MGAT5B: variants seen among roughly 807,000 people sequenced by gnomAD.
MGAT5B encodes the protein alpha-1,6-mannosylglycoprotein 6-beta-N-acetylglucosaminyltransferase B.
MGAT5B carries 54 observed loss-of-function variants against 95.1 expected under a neutral mutation model. That is an observed-to-expected ratio of 0.57 (90% CI 0.46 to 0.71). The LOEUF (loss-of-function observed/expected upper bound fraction) is 0.71, where lower values mean the gene tolerates loss of function less well. MGAT5B is among the 30% of genes least tolerant of loss of function. MGAT5B has a pLI of 0.00. For synonymous variants in MGAT5B, 464 were observed against 451.0 expected, an observed-to-expected ratio of 1.03 and a Z score of -0.36; for missense variants, 935 against 1,088.6, an observed-to-expected ratio of 0.86 and a Z score of 1.99.
At chr17:76,943,570 A>G (rs943070797) in intron 15 of MGAT5B, among the ~76,000 whole-genome samples, 2 of 133,826 alleles carry the variant, frequency 1.5e-5, no homozygotes, top group African/African-American at 5.7e-5. Flanking sequence ...TTCCCATTTT[A>G]TTATTTTTTT....
chr17:76,872,465 T>A (rs879906943), intron 1 of MGAT5B, among the ~76,000 whole-genome samples: 2 of 152,308 alleles, frequency 1.3e-5, no homozygotes, highest in Admixed American at 6.5e-5. Flanking sequence ...ATTCAGTAAT[T>A]TGGGGTCTGG....
At position 76,904,343 on chromosome 17, in the gene MGAT5B, T is replaced by C; in HGVS notation, c.611T>C (p.Val204Ala). ...TCCTTCCTCATCTACCTCAGTGAGGTCGAGTGGTTCTGCCCCCCGCTGCCC... is the reference window on the plus strand; with the variant it reads ...TCCTTCCTCATCTACCTCAGTGAGGCCGAGTGGTTCTGCCCCCCGCTGCCC... ...ECSFLIYLSE[V>A]EWFCPPLPWR... The change falls in exon 6 of 18, where the codon GTC becomes GCC. Residue 204 changes from valine (V) to alanine (A), a missense_variant. By Grantham distance (64) the Val-to-Ala change is moderately conservative. This residue lies in a region of MGAT5B where 243 missense variants were observed against 305.5 expected (regional missense o/e 0.80). Coordinates refer to ENST00000569840, the MANE Select transcript of MGAT5B (RefSeq NM_001199172.2). The C allele has an allele frequency of 6.3e-7, 1 of 1,599,948 alleles. No homozygotes were observed. Among genetic ancestry groups the C allele is most frequent in the African/African-American group, 1.3e-5 (1 of 74,852 alleles).
chr17:76,933,865 T>C (rs577210368), intron 12 of MGAT5B, among the ~76,000 whole-genome samples: 2 of 152,108 alleles, frequency 1.3e-5, no homozygotes, highest in South Asian at 4.1e-4. Flanking sequence ...ACCCATCGTG[T>C]TTAGTTTCCA....
At chr17:76,946,104 T>A in intron 15 of MGAT5B, 4 of 363,326 alleles carry the variant, frequency 1.1e-5, no homozygotes, top group Non-Finnish European at 1.9e-5. Flanking sequence ...TTATCCTCAT[T>A]GCAGTTGGGA....
Position 76,930,563 on chromosome 17 carries a change from C to T in MGAT5B, c.1292-2082C>T, listed in dbSNP as rs1969447301. 6.6e-6 allele frequency among the ~76,000 whole-genome samples: 1 copy of T among 152,152 alleles called. No homozygotes were observed. Among genetic ancestry groups the T allele is most frequent in the Non-Finnish European group, 1.5e-5 (1 of 68,026 alleles). The stretch of plus-strand genomic sequence containing the variant: ...ATTCGGGATCCCAGTGCGCAGAAGG[C>T]AGGGCTCGTGTGCCTGCAGATTCGT... On this transcript the variant is annotated intron_variant, in intron 10 of 17. Transcript: ENST00000569840. The surrounding 1 kb of genome is among the most constrained non-coding windows in gnomAD (Gnocchi z 4.1).
chr17:76,913,279 A>T (rs1968808899), intron 8 of MGAT5B, among the ~76,000 whole-genome samples: 1 of 152,248 alleles, frequency 6.6e-6, no homozygotes, highest in South Asian at 2.1e-4. Context: ...CAGCTGAGGC[A>T]GGTCTTAGGT....
At chr17:76,911,283 A>G (rs1265366164) in intron 8 of MGAT5B, among the ~76,000 whole-genome samples, 2 of 152,210 alleles carry the variant, frequency 1.3e-5, no homozygotes, top group African/African-American at 4.8e-5. Context: ...TGGGGTTGGG[A>G]CATTGTAGAA....
intron 2 of MGAT5B, among the ~76,000 whole-genome samples, chr17:76,879,641 G>T (rs1357068004): frequency 1.3e-5 from 2 of 152,196 alleles, no homozygotes; most frequent in Non-Finnish European, 2.9e-5. Context: ...TGGCCAGGCA[G>T]GTCATCTGAT....
intron 3 of MGAT5B, among the ~76,000 whole-genome samples, chr17:76,894,987 G>A (rs773853723): frequency 6.6e-6 from 1 of 152,074 alleles, no homozygotes; most frequent in African/African-American, 2.4e-5. Flanking sequence ...GACCGGTACC[G>A]CTCCATGGTC....
intron 12 of MGAT5B, among the ~76,000 whole-genome samples, chr17:76,935,879 T>C (rs59870428): frequency 0.61 from 72,589 of 118,846 alleles, 22,582 homozygotes; most frequent in Non-Finnish European, 0.63. Flanking sequence ...ATTATATATA[T>C]TATATATTAT....
chr17:76,913,789 G>A (rs1968829150), intron 8 of MGAT5B: 1 of 462,160 alleles, frequency 2.2e-6, no homozygotes. Flanking sequence ...AGCCAAGTAA[G>A]AAGGAGACTG....
chr17:76,945,113 C>T (rs968683267), intron 15 of MGAT5B, among the ~76,000 whole-genome samples: 1 of 152,010 alleles, frequency 6.6e-6, no homozygotes, highest in Non-Finnish European at 1.5e-5. Flanking sequence ...TGGCTCTGCA[C>T]TGGGCCTGAG....
At chr17:76,874,111 T>C (rs1967099451) in intron 2 of MGAT5B, among the ~76,000 whole-genome samples, 2 of 151,936 alleles carry the variant, frequency 1.3e-5, no homozygotes, top group Non-Finnish European at 2.9e-5. Flanking sequence ...CAAGCCTGAG[T>C]GTAAGTTAAT....
intron 9 of MGAT5B, 68 bp from the exon 10 acceptor site, chr17:76,926,523 TGGCTGG>T: frequency 6.8e-7 from 1 of 1,470,410 alleles, no homozygotes; most frequent in South Asian, 1.3e-5. Context: ...ACAGTGCTCG[TGGCTGG>T]GGCAACTTCA....
intron 3 of MGAT5B, among the ~76,000 whole-genome samples, chr17:76,896,292 A>G (rs1968062486): frequency 6.6e-6 from 1 of 152,268 alleles, no homozygotes; most frequent in Non-Finnish European, 1.5e-5. Flanking sequence ...TGGTAAGTCC[A>G]GTATAATAAT....
intron 12 of MGAT5B, 74 bp from the exon 13 acceptor site, chr17:76,937,914 A>G: frequency 3.2e-6 from 5 of 1,565,786 alleles, no homozygotes; most frequent in Non-Finnish European, 4.4e-6. Flanking sequence ...CTTCCAGACC[A>G]AAGGGATCTC....
chr17:76,878,246 G>C (rs1280459541), intron 2 of MGAT5B, among the ~76,000 whole-genome samples: 1 of 152,110 alleles, frequency 6.6e-6, no homozygotes, highest in Non-Finnish European at 1.5e-5. Flanking sequence ...CTGGTACCCC[G>C]AGGGCTCATT....
Position 76,925,080 on chromosome 17 carries a change from C to A in MGAT5B, c.1140C>A (p.Leu380=). The part of the protein sequence containing the change: ...GLQQMKRHMG[L]SFKKYRCRIR... ...AGCAGATGAAGCGGCACATGGGACT[C>A]TCCTTCAAGAAGTACCGGTGAGAGG... Residue 380 remains leucine, a synonymous_variant, in exon 9 of 18, where the codon CTC becomes CTA. Coordinates refer to ENST00000569840, the MANE Select transcript of MGAT5B (RefSeq NM_001199172.2). The A allele has an allele frequency of 6.2e-7, 1 of 1,611,340 alleles. No individual in the cohort carries two copies. The highest frequency in any genetic ancestry group is 8.5e-7 in the Non-Finnish European group (1 of 1,179,332).
chr17:76,888,131 C>T (rs927499524), intron 3 of MGAT5B, among the ~76,000 whole-genome samples: 5 of 152,222 alleles, frequency 3.3e-5, no homozygotes, highest in Middle Eastern at 3.4e-3. Flanking sequence ...CATGTGTGCA[C>T]GGGTGTATTT....
Sources: gnomAD v4.1 joint callset for allele counts (sites outside exome capture counted in the v4.1 genomes callset) on GRCh38, gnomAD v4.1.1 for gene constraint, gnomAD v4.1.1 regional missense constraint, Gnocchi (gnomAD v3.1) non-coding constraint, MANE v1.5 for transcripts, NCBI Gene and HGNC (gene_info 2026-07-23, HGNC 2026-07-21) for gene names.